Variants in PTPRD observed in about 807,000 individuals in gnomAD.
The protein encoded by PTPRD is protein tyrosine phosphatase receptor type D.
Under a neutral mutation model 214.5 loss-of-function variants are expected in PTPRD, and 34 were observed. That is an observed-to-expected ratio of 0.16 (90% CI 0.12 to 0.21). PTPRD has a LOEUF of 0.21. PTPRD is among the 10% of genes least tolerant of loss of function. The pLI is 1.00. For missense variants in PTPRD, 2,545 were observed against 2,398.7 expected (o/e 1.06, Z -1.27); for synonymous variants, 1,128 against 845.7 (o/e 1.33, Z -5.79).
intron 33 of PTPRD, among the ~76,000 whole-genome samples, chr9:8,457,209 A>G (rs1200268228): frequency 6.6e-6 from 1 of 152,050 alleles, no homozygotes; most frequent in Non-Finnish European, 1.5e-5. Context: ...ATGAATTTCT[A>G]CCCCATGCAA....
intron 9 of PTPRD, among the ~76,000 whole-genome samples, chr9:9,287,814 C>G (rs868164900): frequency 2.1e-4 from 32 of 151,854 alleles, no homozygotes; most frequent in South Asian, 4.1e-4. Flanking sequence ...ATGTCATAAT[C>G]AGCCAGGAAA....
At chr9:9,689,716 C>T (rs976901935) in intron 7 of PTPRD, among the ~76,000 whole-genome samples, 3 of 151,872 alleles carry the variant, frequency 2.0e-5, no homozygotes. Context: ...TATAAGTTCC[C>T]ATATATGAGG....
intron 8 of PTPRD, among the ~76,000 whole-genome samples, chr9:9,440,925 C>T (rs1360592): frequency 0.56 from 85,014 of 151,880 alleles, 23,923 homozygotes; most frequent in Middle Eastern, 0.65. Context: ...TTGAAGGGGA[C>T]GAAGGAAGTA....
intron 9 of PTPRD, among the ~76,000 whole-genome samples, chr9:9,318,861 A>T (rs544534225): frequency 1.1e-4 from 17 of 152,276 alleles, no homozygotes; most frequent in African/African-American, 3.4e-4. Flanking sequence ...AAAGTGGATA[A>T]ACTCTCTGCT....
At chr9:10,031,647 T>TATACACAC in intron 4 of PTPRD, among the ~76,000 whole-genome samples, 2 of 89,642 alleles carry the variant, frequency 2.2e-5, no homozygotes, top group African/African-American at 8.1e-5. Flanking sequence ...TATATATATA[T>TATACACAC]ACACACACAC....
chr9:8,588,835 T>G (rs1212584168), intron 14 of PTPRD, among the ~76,000 whole-genome samples: 1 of 152,174 alleles, frequency 6.6e-6, no homozygotes, highest in African/African-American at 2.4e-5. Context: ...AGAGAAATCT[T>G]TAGGCAACTT....
chr9:9,383,798 C>G (rs115606518), intron 9 of PTPRD, among the ~76,000 whole-genome samples: 3,230 of 152,098 alleles, frequency 0.021, 136 homozygotes, highest in African/African-American at 0.074. Context: ...AGTCCCTCAG[C>G]AAGGACGTTC....
chr9:9,182,757 C>G (rs1362475987), intron 10 of PTPRD, among the ~76,000 whole-genome samples: 1 of 151,914 alleles, frequency 6.6e-6, no homozygotes, highest in African/African-American at 2.4e-5. Flanking sequence ...GTAGTGAGAA[C>G]TGAATGCATT....
intron 10 of PTPRD, chr9:9,091,339 G>C (rs1452025295): frequency 1.3e-6 from 1 of 787,570 alleles, no homozygotes; most frequent in African/African-American, 1.7e-5. Flanking sequence ...TTAAATAGCT[G>C]CGTATTTTTC....
chr9:9,259,790 C>T (rs1344011969), intron 9 of PTPRD, among the ~76,000 whole-genome samples: 2 of 151,872 alleles, frequency 1.3e-5, no homozygotes, highest in African/African-American at 4.8e-5. Flanking sequence ...TGTATACCAA[C>T]TCGCACACAT....
intron 6 of PTPRD, among the ~76,000 whole-genome samples, chr9:9,743,731 T>TAC (rs4008087): frequency 0.096 from 7,683 of 80,374 alleles, 234 homozygotes; most frequent in African/African-American, 0.13. Flanking sequence ...ACTCAGTCTA[T>TAC]ACACACACAC....
chr9:8,461,409 T>C (rs909305883), intron 32 of PTPRD, among the ~76,000 whole-genome samples: 1 of 152,062 alleles, frequency 6.6e-6, no homozygotes, highest in Non-Finnish European at 1.5e-5. Context: ...ATGATTTTTA[T>C]TTCTATGATA....
intron 4 of PTPRD, among the ~76,000 whole-genome samples, chr9:9,980,040 T>C (rs1045066367): frequency 3.9e-5 from 6 of 152,076 alleles, no homozygotes; most frequent in Non-Finnish European, 7.4e-5. Context: ...AATAGGAAAA[T>C]ACTTTGTAAA....
intron 36 of PTPRD, among the ~76,000 whole-genome samples, chr9:8,396,105 G>T (rs1293358970): frequency 6.6e-6 from 1 of 151,718 alleles, no homozygotes. Context: ...GAAGCTCTAT[G>T]TGTAGGAAAC....
Position 9,427,703 on chromosome 9 carries a change from C to T in PTPRD, c.-236-30221G>A, listed in dbSNP as rs532920821. On this transcript the variant is annotated intron_variant, in intron 8 of 45. Coordinates refer to ENST00000381196, the MANE Select transcript of PTPRD (RefSeq NM_002839.4). ...CACAAAGGGAAGCCCATCAGACTAA[C>T]AGCTGATCTCTCGGCAGAAACTCTA... Among the ~76,000 whole-genome samples the T allele has an allele frequency of 7.9e-5, 12 of 152,308 alleles. No homozygotes were observed. The East Asian group carries it at 2.3e-3, about 29-fold the overall frequency.
At chr9:9,071,402 G>A (rs1175299765) in intron 10 of PTPRD, among the ~76,000 whole-genome samples, 1 of 152,098 alleles carries the variant, frequency 6.6e-6, no homozygotes, top group Non-Finnish European at 1.5e-5. Flanking sequence ...GACTGAATCA[G>A]GTAAAAGCCC....
chr9:10,393,035 T>C (rs956529843), intron 2 of PTPRD, among the ~76,000 whole-genome samples: 25 of 151,926 alleles, frequency 1.6e-4, no homozygotes, highest in African/African-American at 6.0e-4. Context: ...ATTCTAGCTG[T>C]GTCAATACTC....
At chr9:9,885,001 G>C (rs567021217) in intron 5 of PTPRD, among the ~76,000 whole-genome samples, 2 of 152,148 alleles carry the variant, frequency 1.3e-5, no homozygotes, top group African/African-American at 2.4e-5. Flanking sequence ...GAAAAGCAAA[G>C]AAAACGTTAT....
At chr9:10,176,114 A>G (rs943766419) in intron 3 of PTPRD, among the ~76,000 whole-genome samples, 8 of 152,020 alleles carry the variant, frequency 5.3e-5, no homozygotes, top group African/African-American at 1.9e-4. Flanking sequence ...TTTGAGGAGC[A>G]TAAATTGTTA....
Sources: allele counts gnomAD v4.1 joint callset (sites outside exome capture counted in the v4.1 genomes callset), GRCh38; gene constraint gnomAD v4.1.1; transcripts MANE v1.5; gene names NCBI Gene and HGNC (gene_info 2026-07-23, HGNC 2026-07-21).